Variants in HPSE2 observed in about 807,000 individuals in gnomAD.
The protein encoded by HPSE2 is inactive heparanase-2.
A neutral mutation model predicts 60.5 loss-of-function variants in HPSE2; 38 were observed. The ratio of observed to expected loss-of-function variants is 0.63; its 90% CI spans 0.48 to 0.82. HPSE2 has a LOEUF of 0.82. HPSE2 is among the 40% of genes least tolerant of loss of function. The pLI is 0.00. For missense variants in HPSE2, 713 were observed against 740.4 expected, an observed-to-expected ratio of 0.96 and a Z score of 0.43; for synonymous variants, 295 against 293.2, an observed-to-expected ratio of 1.01 and a Z score of -0.06.
At chr10:99,272,722 T>C in the HPSE2 span, among the ~76,000 whole-genome samples, 1 of 152,154 alleles carries the variant, frequency 6.6e-6, no homozygotes, top group Non-Finnish European at 1.5e-5. Context: ...CACAATGCGA[T>C]ACCACCTTAC....
chr10:98,572,487 T>C (rs1944525119), intron 9 of HPSE2, among the ~76,000 whole-genome samples: 1 of 152,122 alleles, frequency 6.6e-6, no homozygotes, highest in Non-Finnish European at 1.5e-5. Context: ...CCACACACGC[T>C]CATGTGCATT....
At chr10:99,024,230 T>C (rs904120662) in intron 3 of HPSE2, among the ~76,000 whole-genome samples, 34 of 152,238 alleles carry the variant, frequency 2.2e-4, no homozygotes, top group Admixed American at 6.5e-4. Flanking sequence ...AGTCCTTTAA[T>C]AGCAGAACTG....
intron 3 of HPSE2, among the ~76,000 whole-genome samples, chr10:98,920,812 C>T (rs542804520): frequency 6.6e-6 from 1 of 152,184 alleles, no homozygotes; most frequent in African/African-American, 2.4e-5. Context: ...TCATAGTCTG[C>T]TCTTTGAGCT....
rs139915874 is a variant in HPSE2 at position 98,478,196 on chromosome 10, T to C, written c.1613+4440A>G. Among the ~76,000 whole-genome samples, 336 of 152,260 alleles carry C rather than the reference T, an allele frequency of 2.2e-3. 1 individual carries two copies. The highest frequency in any genetic ancestry group is 7.2e-3 in the African/African-American group (298 of 41,548). ...TGGGAACCATTGTTCTGGATGTGAA[T>C]GGGGCCATCTTCTTCTGAGAAAGGT... is the stretch of plus-strand genomic sequence containing the variant. On this transcript the variant is annotated intron_variant, in intron 11 of 11. Coordinates refer to ENST00000370552, the MANE Select transcript of HPSE2 (RefSeq NM_021828.5).
At chr10:98,998,172 A>C (rs1250596198) in intron 3 of HPSE2, among the ~76,000 whole-genome samples, 1 of 152,244 alleles carries the variant, frequency 6.6e-6, no homozygotes, top group East Asian at 1.9e-4. Context: ...GCCAACACTT[A>C]GTTGGATATA....
chr10:98,659,307 G>A (rs562931276), intron 6 of HPSE2, among the ~76,000 whole-genome samples: 2 of 151,866 alleles, frequency 1.3e-5, no homozygotes, highest in Admixed American at 6.6e-5. Context: ...GTACACTCAG[G>A]TTCTGCATCC....
At chr10:99,197,145 T>C (rs975797433) in intron 2 of HPSE2, among the ~76,000 whole-genome samples, 3 of 152,184 alleles carry the variant, frequency 2.0e-5, no homozygotes, top group African/African-American at 7.2e-5. Context: ...TTGCATGTTC[T>C]CACTTATTTG....
intron 7 of HPSE2, among the ~76,000 whole-genome samples, chr10:98,627,263 G>A (rs1946243265): frequency 6.6e-6 from 1 of 152,060 alleles, no homozygotes; most frequent in Non-Finnish European, 1.5e-5. Flanking sequence ...CTTGAGGCCA[G>A]GAGTTTGAGA....
chr10:98,751,854 T>C (rs1313415379), intron 3 of HPSE2, among the ~76,000 whole-genome samples: 1 of 152,218 alleles, frequency 6.6e-6, no homozygotes, highest in Non-Finnish European at 1.5e-5. Flanking sequence ...TGAAGAAGCT[T>C]TAATGAGTTG....
At chr10:99,202,819 G>A (rs1848620373) in intron 2 of HPSE2, among the ~76,000 whole-genome samples, 1 of 152,046 alleles carries the variant, frequency 6.6e-6, no homozygotes, top group African/African-American at 2.4e-5. Flanking sequence ...AGAGATTATA[G>A]CACCTAGGCA....
At chr10:99,080,433 C>T (rs1335527266) in intron 3 of HPSE2, among the ~76,000 whole-genome samples, 2 of 152,104 alleles carry the variant, frequency 1.3e-5, no homozygotes, top group Non-Finnish European at 2.9e-5. Flanking sequence ...TTCTTAAAGC[C>T]ATAGGTCTTA....
chr10:99,076,670 G>A (rs575706233), intron 3 of HPSE2, among the ~76,000 whole-genome samples: 37 of 152,270 alleles, frequency 2.4e-4, no homozygotes, highest in African/African-American at 8.4e-4. Context: ...TTACAGGTGT[G>A]AGCCTCCATG....
At chr10:98,635,300 T>C (rs906418070) in intron 7 of HPSE2, among the ~76,000 whole-genome samples, 8 of 152,150 alleles carry the variant, frequency 5.3e-5, no homozygotes, top group African/African-American at 1.9e-4. Context: ...AATTTGGACA[T>C]CCATTATGGA....
intron 2 of HPSE2, among the ~76,000 whole-genome samples, chr10:99,181,571 G>A (rs982689315): frequency 2.0e-5 from 3 of 152,150 alleles, no homozygotes; most frequent in African/African-American, 7.2e-5. Flanking sequence ...ATGAGTTCAT[G>A]TCCTTTGCAG....
chr10:98,594,516 A>G (rs930520853), intron 9 of HPSE2, among the ~76,000 whole-genome samples: 1 of 152,076 alleles, frequency 6.6e-6, no homozygotes, highest in African/African-American at 2.4e-5. Context: ...GGAACAATTT[A>G]ACTTATTATT....
chr10:99,306,396 T>C, the HPSE2 span, among the ~76,000 whole-genome samples: 1 of 152,120 alleles, frequency 6.6e-6, no homozygotes, highest in Non-Finnish European at 1.5e-5. Flanking sequence ...GTGCACTTAC[T>C]CCAGCTCCAC....
At chr10:99,009,684 G>A (rs1353242145) in intron 3 of HPSE2, among the ~76,000 whole-genome samples, 2 of 152,178 alleles carry the variant, frequency 1.3e-5, no homozygotes, top group East Asian at 3.9e-4. Flanking sequence ...AACCCTGGGA[G>A]GAGACAAACA....
intron 9 of HPSE2, among the ~76,000 whole-genome samples, chr10:98,553,073 T>C (rs1309570770): frequency 6.6e-6 from 1 of 152,212 alleles, no homozygotes; most frequent in Non-Finnish European, 1.5e-5. Flanking sequence ...ATTTTGCAAT[T>C]AGTCTCATTG....
rs999884923 is a variant in HPSE2 at position 98,931,978 on chromosome 10, T to C, written c.611-187922A>G. Among the ~76,000 whole-genome samples, 2 of 143,906 alleles carry C rather than the reference T, an allele frequency of 1.4e-5. 1 individual carries two copies. Among genetic ancestry groups the C allele is most frequent in the Non-Finnish European group, 3.0e-5 (2 of 67,232 alleles). The allele number at this position is 143,906 out of a possible 152,430, so 94.4% of individuals were successfully genotyped here. On this transcript the variant is annotated intron_variant, in intron 3 of 11. Transcript: ENST00000370552. ...CCTTTATTTATTTCTCTTGCCTAAT[T>C]GCACTGGCCAGAACTTCCAGCACTT... is the stretch of plus-strand genomic sequence containing the variant.
Sources: allele counts gnomAD v4.1 joint callset (sites outside exome capture counted in the v4.1 genomes callset), GRCh38; gene constraint gnomAD v4.1.1; transcripts MANE v1.5; gene names NCBI Gene and HGNC (gene_info 2026-07-23, HGNC 2026-07-21).